Variants in PIK3C3 observed in about 807,000 individuals in gnomAD.
The protein encoded by PIK3C3 is phosphatidylinositol 3-kinase catalytic subunit type 3, also known as PI3-kinase type 3.
Under a neutral mutation model 126.1 loss-of-function variants are expected in PIK3C3, and 95 were observed. The observed-to-expected ratio is 0.75, with a 90% CI of 0.64 to 0.89. The LOEUF is 0.89. Ranked by LOEUF, PIK3C3 falls within the 40% of genes least tolerant of loss-of-function variation. The pLI is 0.00. For missense variants in PIK3C3, 829 were observed against 1,063.2 expected (o/e 0.78, Z 3.06); for synonymous variants, 374 against 360.0 (o/e 1.04, Z -0.44).
chr18:42,076,147 C>CACAT (rs1361075826), intron 24 of PIK3C3, among the ~76,000 whole-genome samples: 1 of 34,218 alleles, frequency 2.9e-5, no homozygotes, highest in African/African-American at 1.7e-4. Context: ...TATATATGCG[C>CACAT]ATATATATAT....
At chr18:41,983,127 C>G (rs963402392) in intron 4 of PIK3C3, among the ~76,000 whole-genome samples, 4 of 152,148 alleles carry the variant, frequency 2.6e-5, no homozygotes, top group African/African-American at 9.7e-5. Flanking sequence ...TTTCATATCA[C>G]TGTTTCAATT....
intron 8 of PIK3C3, 50 bp downstream of exon 8, chr18:41,996,044 G>C: frequency 8.4e-7 from 1 of 1,189,014 alleles, no homozygotes; most frequent in Non-Finnish European, 1.2e-6. Context: ...TGGGTGTTCT[G>C]GTTGAAACTG....
At chr18:42,037,639 A>AT in intron 16 of PIK3C3, 53 bp from the exon 17 acceptor site, 1 of 1,523,460 alleles carries the variant, frequency 6.6e-7, no homozygotes, top group Non-Finnish European at 9.0e-7. Context: ...GTATAGTACA[A>AT]TTTTATGCAT....
At chr18:41,955,577 G>A (rs1364928261) in intron 1 of PIK3C3, 2 of 493,908 alleles carry the variant, frequency 4.0e-6, no homozygotes, top group African/African-American at 4.0e-5. Context: ...GAGAAGCACA[G>A]CAGTAGGAAT....
At chr18:41,965,858 C>T (rs187007922) in intron 3 of PIK3C3, among the ~76,000 whole-genome samples, 6 of 152,122 alleles carry the variant, frequency 3.9e-5, no homozygotes, top group Non-Finnish European at 8.8e-5. Flanking sequence ...TTTAAAAAGT[C>T]ATTAAACCCC....
chr18:42,005,596 C>T (rs1014723541), intron 10 of PIK3C3, among the ~76,000 whole-genome samples: 1 of 152,070 alleles, frequency 6.6e-6, no homozygotes, highest in Admixed American at 6.6e-5. Context: ...TTATGCTAGC[C>T]AGCAGTACTT....
At position 41,990,556 on chromosome 18, in the gene PIK3C3, TATTTCCCTTGGA is replaced by T; in HGVS notation, c.714+4_714+15del. On this transcript the variant is annotated splice_donor_5th_base_variant and intron_variant, in intron 6 of 24. Coordinates refer to ENST00000262039, the MANE Select transcript of PIK3C3 (RefSeq NM_002647.4). ...TATGGTATTGTTTATTATGAAAAGG[TATTTCCCTTGGA>T]ACTGTTTTTGGTCTCTAAAGTAGAG... 5 of 1,505,726 alleles carry T rather than the reference TATTTCCCTTGGA, an allele frequency of 3.3e-6. No homozygotes were observed. Among genetic ancestry groups the T allele is most frequent in the Non-Finnish European group, 4.6e-6 (5 of 1,083,534 alleles). 93.3% of individuals were successfully genotyped at this position (1,505,726 alleles called of 1,614,324 possible).
At chr18:42,017,248 C>T (rs1358715747) in intron 12 of PIK3C3, among the ~76,000 whole-genome samples, 3 of 152,088 alleles carry the variant, frequency 2.0e-5, no homozygotes, top group Non-Finnish European at 2.9e-5. Context: ...ATCAACATTC[C>T]TGTCTCCTTT....
chr18:41,984,402 T>A (rs1981363171), intron 4 of PIK3C3, among the ~76,000 whole-genome samples: 1 of 152,136 alleles, frequency 6.6e-6, no homozygotes, highest in African/African-American at 2.4e-5. Flanking sequence ...TATGGGCTAA[T>A]TAGAATAGCT....
chr18:42,072,353 T>C (rs1985809458), intron 24 of PIK3C3, among the ~76,000 whole-genome samples: 1 of 152,212 alleles, frequency 6.6e-6, no homozygotes, highest in Non-Finnish European at 1.5e-5. Context: ...ACAACTATTA[T>C]ATCCAAATGC....
At position 42,015,532 on chromosome 18, in the gene PIK3C3, A is replaced by G; in HGVS notation, c.1382A>G (p.Lys461Arg). The G allele has an allele frequency of 6.2e-7, 1 of 1,613,786 alleles. No homozygotes were observed. The part of the protein sequence containing the change: ...PSVSSPPPAS[K>R]TKEVPDGENL... ...GTCTCTTCACCTCCTCCTGCATCAA[A>G]AACAAAAGAAGTTCCAGATGGCGAA... is the stretch of plus-strand genomic sequence containing the variant. Residue 461 changes from lysine to arginine, a missense_variant, in exon 12 of 25, where the codon AAA (lysine) becomes AGA (arginine). This residue lies in a region of PIK3C3 where 256 missense variants were observed against 291.0 expected (regional missense o/e 0.88). Coordinates refer to ENST00000262039, the MANE Select transcript of PIK3C3 (RefSeq NM_002647.4).
At chr18:41,989,986 A>G (rs1383174879) in intron 5 of PIK3C3, among the ~76,000 whole-genome samples, 28 of 152,190 alleles carry the variant, frequency 1.8e-4, no homozygotes, top group Admixed American at 1.6e-3. Flanking sequence ...TATACTTGGT[A>G]AACTCAAATG....
chr18:42,069,373 T>C (rs757404456), intron 24 of PIK3C3, among the ~76,000 whole-genome samples: 2 of 152,190 alleles, frequency 1.3e-5, no homozygotes, highest in Admixed American at 6.5e-5. Flanking sequence ...CAGAGAGATA[T>C]CATGACCACT....
intron 12 of PIK3C3, among the ~76,000 whole-genome samples, chr18:42,017,048 T>C (rs1478871467): frequency 2.6e-5 from 4 of 152,128 alleles, no homozygotes; most frequent in African/African-American, 9.6e-5. Flanking sequence ...GCCATTTAAC[T>C]TTTTGTCAGC....
chr18:42,056,934 G>A (rs1294496727), intron 21 of PIK3C3, among the ~76,000 whole-genome samples: 1 of 151,948 alleles, frequency 6.6e-6, no homozygotes, highest in East Asian at 1.9e-4. Context: ...ATCTGGTGAA[G>A]TATATTGATC....
intron 21 of PIK3C3, among the ~76,000 whole-genome samples, chr18:42,055,597 A>G (rs565611027): frequency 6.6e-6 from 1 of 152,146 alleles, no homozygotes; most frequent in Non-Finnish European, 1.5e-5. Context: ...TATATAAAAA[A>G]TTGAAGAGTG....
At chr18:42,055,874 C>T (rs147741552) in intron 21 of PIK3C3, among the ~76,000 whole-genome samples, 18 of 152,146 alleles carry the variant, frequency 1.2e-4, no homozygotes, top group African/African-American at 4.3e-4. Flanking sequence ...CCAAGAATTA[C>T]AGATGCCTCA....
chr18:42,017,587 C>A (rs890113211), intron 12 of PIK3C3, among the ~76,000 whole-genome samples: 2 of 152,036 alleles, frequency 1.3e-5, no homozygotes, highest in African/African-American at 4.8e-5. Flanking sequence ...TCTTGTAGTT[C>A]TGTTAGTGTT....
chr18:42,025,021 C>A (rs538275715), intron 13 of PIK3C3, among the ~76,000 whole-genome samples: 3 of 151,500 alleles, frequency 2.0e-5, no homozygotes, highest in Non-Finnish European at 4.4e-5. Context: ...ACCGTGTTAG[C>A]CAGGATGGTC....
Sources: gnomAD v4.1 joint callset for allele counts (sites outside exome capture counted in the v4.1 genomes callset) on GRCh38, gnomAD v4.1.1 for gene constraint, gnomAD v4.1.1 regional missense constraint, MANE v1.5 for transcripts, NCBI Gene and HGNC (gene_info 2026-07-23, HGNC 2026-07-21) for gene names.